Variants in FGD6 observed in about 807,000 individuals in gnomAD.
FGD6 encodes the protein FYVE, RhoGEF and PH domain-containing protein 6.
Under a neutral mutation model 149.4 loss-of-function variants are expected in FGD6, and 90 were observed. The observed-to-expected ratio is 0.60, with a 90% CI of 0.51 to 0.72. The LOEUF is 0.72. Among genes scored for constraint, FGD6 ranks in the 30% least tolerant of loss-of-function variants. The pLI, the probability that FGD6 is intolerant of heterozygous loss-of-function variation, is 0.00. For missense variants in FGD6, 1,437 were observed against 1,684.8 expected (o/e 0.85, Z 2.57); for synonymous variants, 527 against 584.0 (o/e 0.90, Z 1.41).
chr12:95,193,904 C>A (rs1166912713), intron 2 of FGD6, among the ~76,000 whole-genome samples: 1 of 151,678 alleles, frequency 6.6e-6, no homozygotes, highest in African/African-American at 2.4e-5. Context: ...TATTTTGTTA[C>A]ATTTTATTTT....
At chr12:95,142,059 G>C (rs565560388) in intron 5 of FGD6, among the ~76,000 whole-genome samples, 3 of 152,120 alleles carry the variant, frequency 2.0e-5, no homozygotes, top group Non-Finnish European at 4.4e-5. Context: ...AGGATGGAGC[G>C]CAGTGGCCCA....
At chr12:95,207,820 G>A (rs900641573) in intron 2 of FGD6, among the ~76,000 whole-genome samples, 6 of 152,182 alleles carry the variant, frequency 3.9e-5, no homozygotes, top group South Asian at 4.1e-4. Flanking sequence ...GGTCAGAATA[G>A]GAAGTAAACA....
chr12:95,089,846 T>C (rs1432811796), intron 17 of FGD6, 150 bp from the exon 18 acceptor site: 4 of 996,722 alleles, frequency 4.0e-6, no homozygotes, highest in Non-Finnish European at 5.9e-6. Context: ...AATGGATGGC[T>C]GGGAGTTGAG....
chr12:95,136,963 C>A (rs1353229852), intron 7 of FGD6, among the ~76,000 whole-genome samples: 1 of 152,150 alleles, frequency 6.6e-6, no homozygotes, highest in Non-Finnish European at 1.5e-5. Flanking sequence ...TATTTTACCA[C>A]AGTTTAAAAA....
intron 3 of FGD6, among the ~76,000 whole-genome samples, chr12:95,164,548 A>G (rs1282202267): frequency 6.6e-6 from 1 of 151,856 alleles, no homozygotes; most frequent in Non-Finnish European, 1.5e-5. Context: ...CTCCTGCTTC[A>G]GTCTCCCGAG....
chr12:95,120,825 T>C (rs1879165330), intron 8 of FGD6, among the ~76,000 whole-genome samples: 1 of 152,236 alleles, frequency 6.6e-6, no homozygotes, highest in Admixed American at 6.5e-5. Context: ...GCCAATTTTG[T>C]GTGCTGCAGT....
chr12:95,205,730 A>T (rs1329656442), intron 2 of FGD6, among the ~76,000 whole-genome samples: 3 of 152,102 alleles, frequency 2.0e-5, no homozygotes, highest in Non-Finnish European at 4.4e-5. Flanking sequence ...TTTCTCCTCT[A>T]TTCAATGTTG....
chr12:95,096,175 T>C (rs1465387400), intron 14 of FGD6, among the ~76,000 whole-genome samples: 2 of 152,190 alleles, frequency 1.3e-5, no homozygotes, highest in East Asian at 3.8e-4. Context: ...ACTTTAAGTA[T>C]ATTTGAACTC....
At chr12:95,084,786 T>G (rs955160016) in intron 19 of FGD6, 140 bp from the exon 20 acceptor site, 21 of 677,188 alleles carry the variant, frequency 3.1e-5, no homozygotes, top group Admixed American at 4.1e-5. Context: ...ACTTACTCAC[T>G]TCTCATTTAT....
chr12:95,152,953 G>A lies in FGD6; in HGVS notation c.2627C>T (p.Ala876Val). The A allele has an allele frequency of 6.2e-7, 1 of 1,613,946 alleles. No homozygotes were observed. The highest frequency in any genetic ancestry group is 1.7e-5 in the Admixed American group (1 of 60,014). ...NGMKSKVHHI[A>V]KEIMSSEKVF... ...TTTCTCTGAGCTCATGATCTCCTTG[G>A]CAATATGATGAACTTTACTTTTCAT... The change falls in exon 4 of 21, where the codon GCC becomes GTC. Residue 876 changes from alanine to valine, a missense_variant. Ala to Val is a moderately conservative substitution (Grantham distance 64). Around this residue, in one of 2 missense-constraint regions of FGD6, gnomAD observed 1,055 missense variants for 1,146.0 expected, o/e 0.92. Transcript: ENST00000343958.
chr12:95,118,219 T>C (rs1879079017), intron 8 of FGD6, among the ~76,000 whole-genome samples: 1 of 151,754 alleles, frequency 6.6e-6, no homozygotes, highest in South Asian at 2.1e-4. Flanking sequence ...GGCATGGTAG[T>C]GGGCACCTGC....
At chr12:95,139,762 G>A (rs553984406) in intron 6 of FGD6, among the ~76,000 whole-genome samples, 23 of 151,142 alleles carry the variant, frequency 1.5e-4, no homozygotes, top group African/African-American at 2.7e-4. Flanking sequence ...TCAGCCTCCC[G>A]AGTAGTTGGG....
chr12:95,177,932 T>TATTA (rs1263951435), intron 2 of FGD6, among the ~76,000 whole-genome samples: 1 of 151,560 alleles, frequency 6.6e-6, no homozygotes, highest in Non-Finnish European at 1.5e-5. Flanking sequence ...TTTATTTATT[T>TATTA]ATTTATTTAT....
intron 14 of FGD6, chr12:95,101,014 T>C (rs1241502045): frequency 9.3e-6 from 3 of 321,938 alleles, no homozygotes; most frequent in South Asian, 6.6e-5. Context: ...GGAAGAGAGG[T>C]TGCCACCTTG....
At chr12:95,169,337 G>A (rs1172294978) in intron 3 of FGD6, among the ~76,000 whole-genome samples, 1 of 151,602 alleles carries the variant, frequency 6.6e-6, no homozygotes, top group African/African-American at 2.4e-5. Context: ...AAAAATAAAT[G>A]TACTCTGTTG....
At position 95,209,927 on chromosome 12, in the gene FGD6, T is replaced by C. The variant is rs920001059; in HGVS notation, c.1357A>G (p.Met453Val). 1.9e-5 allele frequency: 30 copies of C among 1,613,388 alleles called. No individual in the cohort carries two copies. Among genetic ancestry groups the C allele is most frequent in the African/African-American group, 2.7e-5 (2 of 74,874 alleles). Residue 453 changes from methionine (M) to valine (V), a missense_variant, in exon 2 of 21, where the codon ATG becomes GTG. Met to Val is a conservative substitution (Grantham distance 21). This residue lies in a region of FGD6 where 1,055 missense variants were observed against 1,146.0 expected (regional missense o/e 0.92). Coordinates refer to ENST00000343958, the MANE Select transcript of FGD6 (RefSeq NM_018351.4). The part of the protein sequence containing the change: ...GTGFIRCTVS[M>V]SLPKQLKLTC... Reference sequence around the variant, plus strand: ...AATTTGAGCTGCTTAGGCAGGCTCATAGATACAGTACATCTTATAAAACCG... The same window carrying C: ...AATTTGAGCTGCTTAGGCAGGCTCACAGATACAGTACATCTTATAAAACCG...
chr12:95,097,625 ACT>A (rs1169983943), intron 14 of FGD6, among the ~76,000 whole-genome samples: 1 of 115,738 alleles, frequency 8.6e-6, no homozygotes, highest in African/African-American at 3.5e-5. Flanking sequence ...AACAAGTGAG[ACT>A]CTGTCTCAAA....
At chr12:95,084,998 G>GAA (rs1877811191) in intron 19 of FGD6, among the ~76,000 whole-genome samples, 1 of 152,186 alleles carries the variant, frequency 6.6e-6, no homozygotes. Context: ...TCTCACTAAG[G>GAA]AAAAGTGTGG....
At chr12:95,193,569 C>A (rs974485484) in intron 2 of FGD6, among the ~76,000 whole-genome samples, 1 of 148,786 alleles carries the variant, frequency 6.7e-6, no homozygotes, top group South Asian at 2.1e-4. Context: ...CACTCTGTTG[C>A]CCAGGCTGGA....
Sources: allele counts gnomAD v4.1 joint callset (sites outside exome capture counted in the v4.1 genomes callset), GRCh38; gene constraint gnomAD v4.1.1; regional missense constraint gnomAD v4.1.1; transcripts MANE v1.5; gene names NCBI Gene and HGNC (gene_info 2026-07-23, HGNC 2026-07-21).